Variants in FBXO36 observed in about 807,000 individuals in gnomAD.
FBXO36 encodes F-box protein 36.
In FBXO36, 18 loss-of-function variants were observed where a neutral mutation model predicts 17.0. That is an observed-to-expected ratio of 1.06 (90% CI 0.73 to 1.57). The LOEUF (loss-of-function observed/expected upper bound fraction) is 1.57, where lower values mean the gene tolerates loss of function less well. Among genes scored for constraint, FBXO36 ranks in the 40% most tolerant of loss-of-function variants. FBXO36 has a pLI of 0.00. For synonymous variants in FBXO36, 83 were observed against 85.3 expected, an observed-to-expected ratio of 0.97 and a Z score of 0.15; for missense variants, 229 against 221.9, an observed-to-expected ratio of 1.03 and a Z score of -0.20.
chr2:230,003,002 G>A (rs2077368028), intron 3 of FBXO36, among the ~76,000 whole-genome samples: 1 of 152,032 alleles, frequency 6.6e-6, no homozygotes, highest in South Asian at 2.1e-4. Context: ...CACGAGGTCA[G>A]GAGATCAAAA....
intron 1 of FBXO36, among the ~76,000 whole-genome samples, chr2:229,972,025 T>C (rs945436314): frequency 1.4e-5 from 2 of 146,428 alleles, no homozygotes; most frequent in African/African-American, 2.6e-5. Flanking sequence ...GATGAAGTCT[T>C]GCTCTTGTCC....
At chr2:229,962,226 T>G (rs2077125164) in intron 1 of FBXO36, among the ~76,000 whole-genome samples, 1 of 152,058 alleles carries the variant, frequency 6.6e-6, no homozygotes, top group Admixed American at 6.6e-5. Context: ...TATTTTTAGG[T>G]ATTTTATTGT....
chr2:229,961,548 G>A (rs940150029), intron 1 of FBXO36, among the ~76,000 whole-genome samples: 1 of 151,962 alleles, frequency 6.6e-6, no homozygotes, highest in African/African-American at 2.4e-5. Flanking sequence ...GCTAATTTTT[G>A]TATTTTTAGT....
intron 1 of FBXO36, among the ~76,000 whole-genome samples, chr2:229,929,206 T>C (rs1015170122): frequency 2.8e-4 from 43 of 151,806 alleles, no homozygotes; most frequent in Non-Finnish European, 5.6e-4. Context: ...AGTGCTGGGA[T>C]TACAGGCGTG....
chr2:229,996,401 T>C (rs2077327608), intron 2 of FBXO36, among the ~76,000 whole-genome samples: 1 of 152,170 alleles, frequency 6.6e-6, no homozygotes, highest in African/African-American at 2.4e-5. Context: ...TCCACATAGC[T>C]GCCTGCTTGG....
chr2:229,931,871 A>C (rs2076939915), intron 1 of FBXO36, among the ~76,000 whole-genome samples: 1 of 152,042 alleles, frequency 6.6e-6, no homozygotes, highest in South Asian at 2.1e-4. Flanking sequence ...GTTTCACATG[A>C]AAGTAGTCTT....
chr2:229,946,729 G>A (rs1466484325), intron 1 of FBXO36, among the ~76,000 whole-genome samples: 3 of 152,218 alleles, frequency 2.0e-5, no homozygotes. Flanking sequence ...AATGTAAGCT[G>A]TGTAGACTAA....
intron 3 of FBXO36, among the ~76,000 whole-genome samples, chr2:230,002,570 G>T (rs2077365554): frequency 6.6e-6 from 1 of 151,976 alleles, no homozygotes; most frequent in Admixed American, 6.6e-5. Context: ...TTTTTGTAGA[G>T]ACAGGGTTTT....
intron 1 of FBXO36, among the ~76,000 whole-genome samples, chr2:229,935,046 C>A (rs190292969): frequency 2.0e-5 from 3 of 152,294 alleles, no homozygotes; most frequent in Non-Finnish European, 2.9e-5. Context: ...AATACCTGCA[C>A]CCTCAAATGT....
chr2:230,005,338 C>G (rs1232737494), intron 3 of FBXO36, among the ~76,000 whole-genome samples: 1 of 152,132 alleles, frequency 6.6e-6, no homozygotes, highest in Non-Finnish European at 1.5e-5. Context: ...TGGGCTCAAG[C>G]AGTCCTCCTG....
At chr2:229,993,916 C>A (rs193131644) in intron 2 of FBXO36, among the ~76,000 whole-genome samples, 2 of 151,858 alleles carry the variant, frequency 1.3e-5, no homozygotes, top group African/African-American at 4.8e-5. Context: ...CCACCACGCC[C>A]GGCTAATTTT....
intron 1 of FBXO36, among the ~76,000 whole-genome samples, chr2:229,964,288 T>C (rs1230733261): frequency 6.6e-6 from 1 of 152,230 alleles, no homozygotes; most frequent in African/African-American, 2.4e-5. Flanking sequence ...ACCGCCATCA[T>C]TATCAAGATA....
chr2:230,008,135 G>A (rs1201990922), intron 3 of FBXO36, among the ~76,000 whole-genome samples: 2 of 152,130 alleles, frequency 1.3e-5, no homozygotes, highest in Admixed American at 1.3e-4. Context: ...GCATCACTGC[G>A]CAGGCAGTGT....
intron 1 of FBXO36, among the ~76,000 whole-genome samples, chr2:229,956,919 A>G (rs915769314): frequency 3.9e-5 from 6 of 152,112 alleles, no homozygotes; most frequent in Admixed American, 2.0e-4. Flanking sequence ...CCCCAGTCCT[A>G]TTGAATTAGG....
At position 229,958,250 on chromosome 2, in the gene FBXO36, T is replaced by A. The variant is rs147492591; in HGVS notation, c.97-17991T>A. ...TGTTCTTATTGTTTACAGAGAGCTC[T>A]GACTTTCTTTTTTTTTTTTTTTTTT... On this transcript the variant is annotated intron_variant, in intron 1 of 3. Transcript: ENST00000283946. Among the ~76,000 whole-genome samples, 1,381 of 146,004 alleles carry A rather than the reference T, an allele frequency of 9.5e-3. 39 individuals carry two copies. The highest frequency in any genetic ancestry group is 0.035 in the African/African-American group (1,328 of 38,474).
intron 1 of FBXO36, among the ~76,000 whole-genome samples, chr2:229,972,849 G>C (rs1248295319): frequency 1.3e-5 from 2 of 151,876 alleles, no homozygotes; most frequent in Non-Finnish European, 2.9e-5. Flanking sequence ...GGATCACGAG[G>C]TCAGCAGTTC....
chr2:229,945,989 T>A (rs1368629342), intron 1 of FBXO36, among the ~76,000 whole-genome samples: 1 of 149,342 alleles, frequency 6.7e-6, no homozygotes, highest in African/African-American at 2.5e-5. Flanking sequence ...GCCATTGTAC[T>A]CCAGCCTGGG....
chr2:229,988,031 A>G (rs1482202525), intron 2 of FBXO36, among the ~76,000 whole-genome samples: 2 of 152,076 alleles, frequency 1.3e-5, no homozygotes, highest in Non-Finnish European at 1.5e-5. Flanking sequence ...CTTTATTCTC[A>G]TTCATTTTCA....
chr2:230,005,050 T>TA (rs1194143741), intron 3 of FBXO36, among the ~76,000 whole-genome samples: 1 of 152,120 alleles, frequency 6.6e-6, no homozygotes, highest in Non-Finnish European at 1.5e-5. Context: ...TTCCTCCATT[T>TA]AAAAAAATTG....
Sources: allele counts gnomAD v4.1 joint callset (sites outside exome capture counted in the v4.1 genomes callset), GRCh38; gene constraint gnomAD v4.1.1; transcripts MANE v1.5; gene names NCBI Gene and HGNC (gene_info 2026-07-23, HGNC 2026-07-21).